AFF3: variants seen among roughly 807,000 people sequenced by gnomAD.
AFF3 encodes ALF transcription elongation factor 3, also known as AF4/FMR2 family member 3.
AFF3 carries 32 observed loss-of-function variants against 129.7 expected under a neutral mutation model. The ratio of observed to expected loss-of-function variants is 0.25; its 90% CI spans 0.19 to 0.33. The LOEUF (loss-of-function observed/expected upper bound fraction) is 0.33. AFF3 is among the 10% of genes least tolerant of loss of function. AFF3 has a pLI of 1.00. For synonymous variants in AFF3, 644 were observed against 635.4 expected (o/e 1.01, Z -0.20); for missense variants, 1,373 against 1,592.0 (o/e 0.86, Z 2.34).
At chr2:99,777,947 C>CAAAAAAAAAAAAAAAAAAAAAAAACAA in intron 8 of AFF3, among the ~76,000 whole-genome samples, 1 of 48,340 alleles carries the variant, frequency 2.1e-5, no homozygotes, top group Non-Finnish European at 3.8e-5. Context: ...AAAGCAAAAG[C>CAAAAAAAAAAAAAAAAAAAAAAAACAA]AAAAAAAAAA....
At chr2:99,932,016 T>C in intron 7 of AFF3, among the ~76,000 whole-genome samples, 1 of 152,184 alleles carries the variant, frequency 6.6e-6, no homozygotes, top group Non-Finnish European at 1.5e-5. Flanking sequence ...AAATGTTAAA[T>C]GGCACAGACT....
chr2:99,651,173 C>CAAAA (rs113457105), intron 12 of AFF3, among the ~76,000 whole-genome samples: 1 of 122,016 alleles, frequency 8.2e-6, no homozygotes. Context: ...AAGTCTGTCT[C>CAAAA]AAAAAAAAAA....
At chr2:99,571,647 G>C (rs1047282989) in intron 18 of AFF3, among the ~76,000 whole-genome samples, 1 of 152,152 alleles carries the variant, frequency 6.6e-6, no homozygotes, top group Non-Finnish European at 1.5e-5. Flanking sequence ...GCCACTTAAC[G>C]AACACATTTG....
At chr2:99,790,749 C>T (rs1323341343) in intron 8 of AFF3, among the ~76,000 whole-genome samples, 1 of 152,086 alleles carries the variant, frequency 6.6e-6, no homozygotes, top group African/African-American at 2.4e-5. Flanking sequence ...GGCAAAGAAA[C>T]CCTGATAAAT....
At chr2:99,848,823 C>T (rs1424656179) in intron 7 of AFF3, among the ~76,000 whole-genome samples, 1 of 152,122 alleles carries the variant, frequency 6.6e-6, no homozygotes, top group African/African-American at 2.4e-5. Flanking sequence ...CATAATCACG[C>T]TAAGGAATAA....
At chr2:100,069,007 A>G (rs1687955844) in intron 4 of AFF3, among the ~76,000 whole-genome samples, 2 of 152,128 alleles carry the variant, frequency 1.3e-5, no homozygotes, top group Admixed American at 1.3e-4. Flanking sequence ...TCTGTTATAC[A>G]GTAAACTTGT....
Position 99,578,579 on chromosome 2 carries a change from AT to A in AFF3, c.2794-129del. ...ATCTTTGTGTGCTGTATTAGAATTG[AT>A]GGTGATTTTGTCTCAATAAAGAAAT... is the stretch of plus-strand genomic sequence containing the variant. On this transcript the variant is annotated intron_variant, in intron 17 of 24. Transcript: ENST00000672756. The A allele has an allele frequency of 2.2e-6, 3 of 1,392,214 alleles. No homozygotes were observed. The South Asian group carries it at 4.3e-5, about 20-fold the overall frequency. The allele number at this position is 1,392,214 out of a possible 1,614,324, so 86.2% of individuals were successfully genotyped here. A position where few individuals can be genotyped will look rare whatever the true frequency, so the allele number is the denominator to read the frequency against.
In AFF3 at chr2:99,914,686, CG is replaced by C. The variant is rs35729300; in HGVS notation, c.874-77163del. Among the ~76,000 whole-genome samples, 8 of 151,702 alleles carry C rather than the reference CG, an allele frequency of 5.3e-5. No homozygotes were observed. In the South Asian group the frequency reaches 1.7e-3, roughly 32 times the overall value. ...ATCCCAGCACTTTGGGAGGCCGAGGCGGGGGGATCACAAGGTCGGGAGTTTG... is the reference window on the plus strand; with the variant it reads ...ATCCCAGCACTTTGGGAGGCCGAGGCGGGGGATCACAAGGTCGGGAGTTTG... On this transcript the variant is annotated intron_variant, in intron 7 of 24. Coordinates refer to ENST00000672756, the MANE Select transcript of AFF3 (RefSeq NM_001386135.1).
At chr2:99,851,545 A>G (rs1158867505) in intron 7 of AFF3, among the ~76,000 whole-genome samples, 2 of 152,246 alleles carry the variant, frequency 1.3e-5, no homozygotes, top group Non-Finnish European at 2.9e-5. Flanking sequence ...GCCAGTGGCA[A>G]AATTGAGGCT....
At chr2:99,967,377 A>G (rs1238248094) in intron 7 of AFF3, among the ~76,000 whole-genome samples, 1 of 151,524 alleles carries the variant, frequency 6.6e-6, no homozygotes, top group Non-Finnish European at 1.5e-5. Context: ...CTAGGCTTCC[A>G]ATGCCTGCCT....
At chr2:100,061,855 G>GGGGT (rs1491144300) in intron 4 of AFF3, among the ~76,000 whole-genome samples, 2 of 117,934 alleles carry the variant, frequency 1.7e-5, no homozygotes, top group African/African-American at 6.8e-5. Flanking sequence ...GTAGCACAGT[G>GGGGT]GAGGGGGGGG....
chr2:99,578,787 C>G (rs988196416), intron 17 of AFF3, among the ~76,000 whole-genome samples: 1 of 152,140 alleles, frequency 6.6e-6, no homozygotes, highest in Admixed American at 6.5e-5. Flanking sequence ...GGTTTAGATG[C>G]CCACTTTTCC....
chr2:99,997,802 C>T (rs942828853), intron 7 of AFF3, among the ~76,000 whole-genome samples: 1 of 152,236 alleles, frequency 6.6e-6, no homozygotes, highest in Non-Finnish European at 1.5e-5. Context: ...TTCCATCCTA[C>T]TCCACCTGGC....
At chr2:99,949,381 G>A (rs752521909) in intron 7 of AFF3, among the ~76,000 whole-genome samples, 3 of 152,070 alleles carry the variant, frequency 2.0e-5, no homozygotes, top group East Asian at 1.9e-4. Context: ...TTTTGTGGAA[G>A]ACAATTTTTC....
intron 8 of AFF3, among the ~76,000 whole-genome samples, chr2:99,772,417 C>T (rs1683566560): frequency 6.6e-6 from 1 of 152,194 alleles, no homozygotes; most frequent in Admixed American, 6.5e-5. Context: ...CACACAAATA[C>T]ATGTCAGGAT....
chr2:99,873,306 A>G (rs1425805487), intron 7 of AFF3, among the ~76,000 whole-genome samples: 1 of 152,226 alleles, frequency 6.6e-6, no homozygotes, highest in Non-Finnish European at 1.5e-5. Context: ...GTTTGGTAGC[A>G]CCGCTTTGAT....
intron 7 of AFF3, among the ~76,000 whole-genome samples, chr2:99,880,864 G>A (rs529110264): frequency 4.6e-5 from 7 of 152,318 alleles, no homozygotes; most frequent in African/African-American, 1.4e-4. Context: ...GGAAATGGAA[G>A]TAATGTACTT....
At chr2:99,560,515 A>G in intron 20 of AFF3, 79 bp from the exon 21 acceptor site, 3 of 1,344,416 alleles carry the variant, frequency 2.2e-6, no homozygotes, top group Non-Finnish European at 2.1e-6. Context: ...TTTTATTAAC[A>G]GAACTTCTAT....
chr2:99,924,732 G>T (rs979323290), intron 7 of AFF3, among the ~76,000 whole-genome samples: 2 of 151,998 alleles, frequency 1.3e-5, no homozygotes, highest in East Asian at 3.9e-4. Context: ...ATTCAACATC[G>T]ATCTGGAAAA....
Sources: allele counts gnomAD v4.1 joint callset (sites outside exome capture counted in the v4.1 genomes callset), GRCh38; gene constraint gnomAD v4.1.1; transcripts MANE v1.5; gene names NCBI Gene and HGNC (gene_info 2026-07-23, HGNC 2026-07-21).